Variants in UBXN2A observed in about 807,000 individuals in gnomAD.
UBXN2A encodes the protein UBX domain protein 2A.
A neutral mutation model predicts 28.4 loss-of-function variants in UBXN2A; 28 were observed. That is an observed-to-expected ratio of 0.99 (90% CI 0.73 to 1.35). The LOEUF (loss-of-function observed/expected upper bound fraction) is 1.35. Ranked by LOEUF, UBXN2A falls within the 40% of genes most tolerant of loss-of-function variation. The pLI is 0.00. For missense variants in UBXN2A, 253 were observed against 297.9 expected, an observed-to-expected ratio of 0.85 and a Z score of 1.11; for synonymous variants, 97 against 103.6, an observed-to-expected ratio of 0.94 and a Z score of 0.39.
At chr2:23,970,552 T>C (rs1707371581) in intron 2 of UBXN2A, among the ~76,000 whole-genome samples, 1 of 151,958 alleles carries the variant, frequency 6.6e-6, no homozygotes, top group South Asian at 2.1e-4. Context: ...TGGAAGACAG[T>C]TTTTCCACGG....
chr2:23,987,926 A>G (rs1708197067), intron 6 of UBXN2A, among the ~76,000 whole-genome samples: 1 of 152,028 alleles, frequency 6.6e-6, no homozygotes, highest in Admixed American at 6.6e-5. Flanking sequence ...GTTTGAGACC[A>G]GCCTGACCAA....
intron 1 of UBXN2A, among the ~76,000 whole-genome samples, chr2:23,954,251 A>G (rs530935073): frequency 6.6e-6 from 1 of 152,304 alleles, no homozygotes; most frequent in East Asian, 1.9e-4. Context: ...TATTTTATAT[A>G]TTTGGAATCA....
At chr2:23,962,797 G>T (rs1173480861) in intron 2 of UBXN2A, among the ~76,000 whole-genome samples, 1 of 151,802 alleles carries the variant, frequency 6.6e-6, no homozygotes. Flanking sequence ...GTAGAGACAG[G>T]GTTTCTCCAT....
intron 2 of UBXN2A, among the ~76,000 whole-genome samples, chr2:23,964,680 C>G (rs929980374): frequency 1.3e-5 from 2 of 152,112 alleles, no homozygotes; most frequent in Non-Finnish European, 2.9e-5. Flanking sequence ...ATATGCTGAA[C>G]AACATAGTAC....
At chr2:23,957,246 A>G (rs1248187344) in intron 1 of UBXN2A, among the ~76,000 whole-genome samples, 1 of 151,308 alleles carries the variant, frequency 6.6e-6, no homozygotes, top group Admixed American at 6.6e-5. Flanking sequence ...TTATCCTCCC[A>G]CCTCAGCACC....
chr2:23,977,242 G>A (rs1202622036), intron 4 of UBXN2A, 167 bp downstream of exon 4: 1 of 468,284 alleles, frequency 2.1e-6, no homozygotes, highest in African/African-American at 1.9e-5. Flanking sequence ...ACTCAGGATT[G>A]CTTGCACTTG....
At chr2:23,946,486 A>AT (rs150762434) in intron 1 of UBXN2A, among the ~76,000 whole-genome samples, 15,642 of 150,044 alleles carry the variant, frequency 0.1, 920 homozygotes, top group Middle Eastern at 0.18. Context: ...ATACCTGGCT[A>AT]TTTTTTTTTG....
rs55665209 is a variant in UBXN2A, at chr2:23,981,476, T to TAAAAAAAAAA, written c.288-1398_288-1389dup. Among the ~76,000 whole-genome samples, 24 of 28,932 alleles carry TAAAAAAAAAA rather than the reference T, an allele frequency of 8.3e-4. 1 individual carries two copies. The highest frequency in any genetic ancestry group is 1.1e-3 in the Non-Finnish European group (20 of 17,902). The allele number at this position is 28,932 out of a possible 152,430, so 19.0% of individuals were successfully genotyped here. ...CTGGGCAACAGAGTGAGCTCCTATC[T>TAAAAAAAAAA]AAAAAAAAAAAAAAAAAAAAAAAAA... On this transcript the variant is annotated intron_variant, in intron 4 of 6. Coordinates refer to ENST00000309033, the MANE Select transcript of UBXN2A (RefSeq NM_181713.4).
At chr2:23,961,633 C>T (rs13428212) in intron 2 of UBXN2A, among the ~76,000 whole-genome samples, 222 of 134,414 alleles carry the variant, frequency 1.7e-3, no homozygotes, top group African/African-American at 5.8e-3. Flanking sequence ...TTGCAACCTC[C>T]GCCTCCCAGG....
At chr2:23,989,486 C>T (rs934976456) in intron 6 of UBXN2A, among the ~76,000 whole-genome samples, 2 of 151,850 alleles carry the variant, frequency 1.3e-5, no homozygotes, top group Admixed American at 1.3e-4. Flanking sequence ...CTCCTGGACT[C>T]AAGCGATCCA....
At chr2:23,955,387 C>T (rs890652364) in intron 1 of UBXN2A, among the ~76,000 whole-genome samples, 3 of 152,148 alleles carry the variant, frequency 2.0e-5, no homozygotes, top group South Asian at 4.1e-4. Context: ...GTGCCTGGAC[C>T]TACCTGTTCT....
chr2:23,944,231 G>A, intron 1 of UBXN2A: 1 of 1,594,190 alleles, frequency 6.3e-7, no homozygotes, highest in South Asian at 1.1e-5. Flanking sequence ...ATCATACCTG[G>A]AATGGGATCC....
chr2:23,947,158 A>C (rs931683476), intron 1 of UBXN2A, among the ~76,000 whole-genome samples: 1 of 152,128 alleles, frequency 6.6e-6, no homozygotes, highest in Non-Finnish European at 1.5e-5. Flanking sequence ...TAAAGTGCTG[A>C]GATTACAGGG....
rs1424242660 is a variant in UBXN2A, at chr2:23,946,892, T to A, written c.-15+6244T>A. Among the ~76,000 whole-genome samples, 4 of 150,316 alleles carry A rather than the reference T, an allele frequency of 2.7e-5. 1 individual carries two copies. The East Asian group carries it at 7.7e-4, about 29-fold the overall frequency. ...CTCAGACTCCCAATTTATTAATTTTTTTTTTTTTTTTTTTTGAGACAGGGT... is the reference window on the plus strand; with the variant it reads ...CTCAGACTCCCAATTTATTAATTTTATTTTTTTTTTTTTTTGAGACAGGGT... On this transcript the variant is annotated intron_variant, in intron 1 of 6. Coordinates refer to ENST00000309033, the MANE Select transcript of UBXN2A (RefSeq NM_181713.4).
rs184525851 is a variant in UBXN2A at position 23,989,076 on chromosome 2, C to G, written c.584+4245C>G. 1.6e-3 allele frequency among the ~76,000 whole-genome samples: 249 copies of G among 152,126 alleles called. 3 individuals are homozygous for G. The highest frequency in any genetic ancestry group is 4.4e-3 in the African/African-American group (184 of 41,518). On this transcript the variant is annotated intron_variant, in intron 6 of 6. Transcript: ENST00000309033. ...TTATCAGGATACCACTGCTTCCAGG[C>G]CCTCTGTTTGAAAAGAATTGTTTGT...
At chr2:23,993,522 T>C (rs899441571) in intron 6 of UBXN2A, among the ~76,000 whole-genome samples, 4 of 152,138 alleles carry the variant, frequency 2.6e-5, no homozygotes, top group African/African-American at 9.7e-5. Flanking sequence ...TTTGCTATTT[T>C]TGTCAACAAA....
chr2:23,971,398 C>A lies in UBXN2A; in HGVS notation c.164C>A (p.Ala55Asp). 2.6e-6 allele frequency: 4 copies of A among 1,548,794 alleles called. No individual in the cohort carries two copies. The highest frequency in any genetic ancestry group is 1.7e-5 in the Admixed American group (1 of 57,404). Residue 55 changes from alanine to aspartate, a missense_variant, in exon 3 of 7, where the codon GCT becomes GAT. Physicochemically the swap from Ala to Asp is moderately radical, Grantham distance 126 (BLOSUM62 -2). Transcript: ENST00000309033. ...QKVSSKCVSP[A>D]EQKKQVDVNI... ...GTTAGTTCCAAATGTGTGTCTCCCG[C>A]TGAACAGAAGAAACAGGTAAATAAA...
chr2:23,954,132 C>T (rs186011310), intron 1 of UBXN2A, among the ~76,000 whole-genome samples: 1 of 152,308 alleles, frequency 6.6e-6, no homozygotes, highest in East Asian at 1.9e-4. Flanking sequence ...CCTGCCTCAG[C>T]CTCCCGAGTA....
chr2:23,979,663 G>A (rs920632234), intron 4 of UBXN2A, among the ~76,000 whole-genome samples: 11 of 151,974 alleles, frequency 7.2e-5, no homozygotes, highest in South Asian at 2.1e-4. Flanking sequence ...CAAACTCCCC[G>A]TCTCAAGTGG....
Sources: gnomAD v4.1 joint callset for allele counts (sites outside exome capture counted in the v4.1 genomes callset) on GRCh38, gnomAD v4.1.1 for gene constraint, MANE v1.5 for transcripts, NCBI Gene and HGNC (gene_info 2026-07-23, HGNC 2026-07-21) for gene names.